The following PCDHGA8 variants were observed in gnomAD, a reference collection of about 807,000 sequenced individuals.
The protein encoded by PCDHGA8 is protocadherin gamma-A8.
In PCDHGA8, 45 loss-of-function variants were observed where a neutral mutation model predicts 59.2. That is an observed-to-expected ratio of 0.76 (90% CI 0.60 to 0.98). The LOEUF is 0.98. Ranked by LOEUF, PCDHGA8 falls within the 50% of genes least tolerant of loss-of-function variation. The pLI is 0.00. For missense variants in PCDHGA8, 1,257 were observed against 1,196.2 expected, an observed-to-expected ratio of 1.05 and a Z score of -0.75; for synonymous variants, 531 against 519.0, an observed-to-expected ratio of 1.02 and a Z score of -0.32.
At chr5:141,422,399 T>C in intron 1 of PCDHGA8, 3 of 1,598,374 alleles carry the variant, frequency 1.9e-6, no homozygotes, top group Non-Finnish European at 2.6e-6. Context: ...CCTAACCACC[T>C]GCCTTTTAAA....
intron 1 of PCDHGA8, chr5:141,404,337 C>A (rs766940096): frequency 6.2e-6 from 10 of 1,613,902 alleles, no homozygotes; most frequent in Middle Eastern, 3.3e-4. Flanking sequence ...GTCTACCTCC[C>A]GGAAAACAAC....
chr5:141,475,616 G>A (rs2099366026), intron 1 of PCDHGA8, among the ~76,000 whole-genome samples: 1 of 152,206 alleles, frequency 6.6e-6, no homozygotes, highest in Admixed American at 6.5e-5. Flanking sequence ...GTAGTTTTCG[G>A]TTTGGTTCGA....
chr5:141,476,039 C>T lies in PCDHGA8; in HGVS notation c.2425-18768C>T. The T allele has an allele frequency of 1.3e-6, 2 of 1,484,358 alleles. No homozygotes were observed. The highest frequency in any genetic ancestry group is 1.8e-6 in the Non-Finnish European group (2 of 1,117,328). The allele number at this position is 1,484,358 out of a possible 1,614,324, so 91.9% of individuals were successfully genotyped here. On this transcript the variant is annotated intron_variant, in intron 1 of 3. Coordinates refer to ENST00000398604, the MANE Select transcript of PCDHGA8 (RefSeq NM_032088.2). The surrounding 1 kb of genome is among the most constrained non-coding windows in gnomAD (Gnocchi z 7.6). Reference sequence around the variant, plus strand: ...TCGGACTCGGCGCCCAGCGCCCAAGCGCTAACCCGCTGAAAGTTTCTCAGC... The same window carrying T: ...TCGGACTCGGCGCCCAGCGCCCAAGTGCTAACCCGCTGAAAGTTTCTCAGC...
intron 1 of PCDHGA8, chr5:141,478,158 C>G: frequency 6.2e-7 from 1 of 1,614,054 alleles, no homozygotes; most frequent in Non-Finnish European, 8.5e-7. Flanking sequence ...CCCTCTGGCT[C>G]TGCCCCCCGG....
intron 2 of PCDHGA8, among the ~76,000 whole-genome samples, chr5:141,501,159 C>G (rs1475164887): frequency 6.6e-6 from 1 of 152,096 alleles, no homozygotes; most frequent in East Asian, 1.9e-4. Context: ...GAGCCACCAT[C>G]CCCAGCCTCA....
chr5:141,429,751 A>AT (rs2097241304), intron 1 of PCDHGA8, among the ~76,000 whole-genome samples: 1 of 152,110 alleles, frequency 6.6e-6, no homozygotes, highest in African/African-American at 2.4e-5. Flanking sequence ...CTTAGGGAGA[A>AT]TTTTTTCCCT....
chr5:141,494,074 C>A (rs2099751716), intron 1 of PCDHGA8, among the ~76,000 whole-genome samples: 1 of 152,180 alleles, frequency 6.6e-6, no homozygotes, highest in Non-Finnish European at 1.5e-5. Context: ...GGATCCCTCC[C>A]CGCTGCATCC....
At chr5:141,407,261 C>G (rs1396861077) in intron 1 of PCDHGA8, among the ~76,000 whole-genome samples, 1 of 152,128 alleles carries the variant, frequency 6.6e-6, no homozygotes, top group Non-Finnish European at 1.5e-5. Flanking sequence ...TATTTTTAAC[C>G]ATGCAACAAG....
At chr5:141,424,748 A>G (rs1218712198) in intron 1 of PCDHGA8, 3 of 152,034 alleles carry the variant, frequency 2.0e-5, no homozygotes, top group African/African-American at 4.8e-5. Flanking sequence ...TTCTTTCTTT[A>G]TAAGGTCATT....
chr5:141,482,529 G>GAAAAAAAA (rs1256461887), intron 1 of PCDHGA8, among the ~76,000 whole-genome samples: 1 of 56,042 alleles, frequency 1.8e-5, no homozygotes, highest in Admixed American at 1.9e-4. Context: ...AGACAGACAT[G>GAAAAAAAA]CAAAAAAAAA....
chr5:141,505,302 G>GTAC, intron 2 of PCDHGA8, 91 bp from the exon 3 acceptor site: 5 of 1,592,714 alleles, frequency 3.1e-6, no homozygotes, highest in Non-Finnish European at 4.3e-6. Context: ...TAGGGTTAGG[G>GTAC]TACTAGGTTT....
At chr5:141,417,932 T>A (rs1398348549) in intron 1 of PCDHGA8, 2 of 1,611,670 alleles carry the variant, frequency 1.2e-6, no homozygotes, top group East Asian at 4.5e-5. Flanking sequence ...GCTGCCTTTG[T>A]TCTACCCCAC....
At chr5:141,409,821 C>T in intron 1 of PCDHGA8, 1 of 1,610,940 alleles carries the variant, frequency 6.2e-7, no homozygotes, top group Non-Finnish European at 8.5e-7. Flanking sequence ...CACGGCTCGC[C>T]CACGCTCAGC....
At position 141,394,009 on chromosome 5, in the gene PCDHGA8, G is replaced by C. The variant is rs1554094356; in HGVS notation, c.1196G>C (p.Gly399Ala). The C allele has an allele frequency of 1.2e-6, 2 of 1,613,394 alleles. No homozygotes were observed. Among genetic ancestry groups the C allele is most frequent in the Admixed American group, 3.3e-5 (2 of 59,950 alleles). The change falls in exon 1 of 4, where the codon GGT (glycine) becomes GCT (alanine). Residue 399 changes from glycine (G) to alanine (A), a missense_variant. Physicochemically the swap from Gly to Ala is moderately conservative, Grantham distance 60. Coordinates refer to ENST00000398604, the MANE Select transcript of PCDHGA8 (RefSeq NM_032088.2). ...CCTTTTAAATTAGAAAAGTCAATAG[G>C]TAATTATTATAGATTAGTGACAAGG... is the stretch of plus-strand genomic sequence containing the variant. ...NLPFKLEKSIGNYYRLVTRKY... is the reference protein window; with the variant it reads ...NLPFKLEKSIANYYRLVTRKY...
chr5:141,432,286 C>T lies in PCDHGA8; in HGVS notation c.2424+37049C>T. ...TATCGTCCTACGTGTCCATCAACTCCGACACTGGGGTACTGTATGCGCTGA... is the reference window on the plus strand; with the variant it reads ...TATCGTCCTACGTGTCCATCAACTCTGACACTGGGGTACTGTATGCGCTGA... On this transcript the variant is annotated intron_variant, in intron 1 of 3. Transcript: ENST00000398604. This position sits in a 1 kb window ranked among gnomAD's most constrained non-coding sequence, Gnocchi z 6.0. 3 of 1,614,252 alleles carry T rather than the reference C, an allele frequency of 1.9e-6. No homozygotes were observed. Among genetic ancestry groups the T allele is most frequent in the Non-Finnish European group, 2.5e-6 (3 of 1,180,048 alleles).
intron 1 of PCDHGA8, among the ~76,000 whole-genome samples, chr5:141,483,010 G>C (rs574078222): frequency 6.6e-6 from 1 of 152,006 alleles, no homozygotes; most frequent in Non-Finnish European, 1.5e-5. Flanking sequence ...GCTTGAACCC[G>C]GGAGGCAGAG....
chr5:141,478,549 A>G lies in PCDHGA8; in HGVS notation c.2425-16258A>G, dbSNP rs369095515. 8 of 1,602,904 alleles carry G rather than the reference A, an allele frequency of 5.0e-6. No individual in the cohort carries two copies. In the African/African-American group the frequency reaches 1.1e-4, roughly 21 times the overall value. On this transcript the variant is annotated intron_variant, in intron 1 of 3. Coordinates refer to ENST00000398604, the MANE Select transcript of PCDHGA8 (RefSeq NM_032088.2). ...CAGAGAGCGCCCCTCCCGGACAGGT[A>G]AGGTTTAGCAAGTCATGCTTGACCC...
At position 141,486,243 on chromosome 5, in the gene PCDHGA8, G is replaced by A. The variant is rs754924567; in HGVS notation, c.2425-8564G>A. 18 of 1,614,156 alleles carry A rather than the reference G, an allele frequency of 1.1e-5. No individual in the cohort carries two copies. The highest frequency in any genetic ancestry group is 1.4e-5 in the Non-Finnish European group (16 of 1,180,018). ...TACATCACAGTGACCTCAGAGCTTG[G>A]AACCCTCCCCGAGAGTGCAGAACCT... On this transcript the variant is annotated intron_variant, in intron 1 of 3. Coordinates refer to ENST00000398604, the MANE Select transcript of PCDHGA8 (RefSeq NM_032088.2). This position sits in a 1 kb window ranked among gnomAD's most constrained non-coding sequence, Gnocchi z 5.0.
Position 141,489,515 on chromosome 5 carries a change from G to C in PCDHGA8, c.2425-5292G>C, listed in dbSNP as rs983415025. On this transcript the variant is annotated intron_variant, in intron 1 of 3. Coordinates refer to ENST00000398604, the MANE Select transcript of PCDHGA8 (RefSeq NM_032088.2). The surrounding 1 kb of genome is among the most constrained non-coding windows in gnomAD (Gnocchi z 4.5). ...CTGGCAGTGAATCAAAAGATTGACC[G>C]AGAAAGCCTATGTGGAGCCAGCACC... 1 of 1,614,104 alleles carries C rather than the reference G, an allele frequency of 6.2e-7. No individual in the cohort carries two copies. The highest frequency in any genetic ancestry group is 8.5e-7 in the Non-Finnish European group (1 of 1,180,034).
Sources: gnomAD v4.1 joint callset for allele counts (sites outside exome capture counted in the v4.1 genomes callset) on GRCh38, gnomAD v4.1.1 for gene constraint, Gnocchi (gnomAD v3.1) non-coding constraint, MANE v1.5 for transcripts, NCBI Gene and HGNC (gene_info 2026-07-23, HGNC 2026-07-21) for gene names.